Variants in KSR2 observed in about 807,000 individuals in gnomAD.
The protein encoded by KSR2 is kinase suppressor of ras 2.
In KSR2, 25 loss-of-function variants were observed where a neutral mutation model predicts 107.8. That is an observed-to-expected ratio of 0.23 (90% CI 0.17 to 0.32). The LOEUF is 0.32. KSR2 is among the 10% of genes least tolerant of loss of function. The pLI, the probability that KSR2 is intolerant of heterozygous loss-of-function variation, is 1.00. For missense variants in KSR2, 887 were observed against 1,268.9 expected, an observed-to-expected ratio of 0.70 and a Z score of 4.57; for synonymous variants, 480 against 507.0, an observed-to-expected ratio of 0.95 and a Z score of 0.71.
chr12:117,713,342 A>C (rs1287727964), intron 4 of KSR2, among the ~76,000 whole-genome samples: 2 of 151,232 alleles, frequency 1.3e-5, no homozygotes, highest in Non-Finnish European at 2.9e-5. Flanking sequence ...GATATAGCTA[A>C]GTAGACAGTA....
chr12:117,697,488 A>G (rs61937696), intron 4 of KSR2, among the ~76,000 whole-genome samples: 17,185 of 152,244 alleles, frequency 0.11, 1,207 homozygotes, highest in East Asian at 0.23. Flanking sequence ...CATGCCTGTA[A>G]CCCTAGCACT....
chr12:117,552,731 T>C (rs1877392790), intron 9 of KSR2, among the ~76,000 whole-genome samples: 1 of 152,212 alleles, frequency 6.6e-6, no homozygotes, highest in African/African-American at 2.4e-5. Context: ...CCATGCAGTC[T>C]CTGTCATGAC....
intron 1 of KSR2, among the ~76,000 whole-genome samples, chr12:117,871,503 G>A (rs961713162): frequency 6.6e-6 from 1 of 151,832 alleles, no homozygotes; most frequent in Admixed American, 6.6e-5. Flanking sequence ...CACGAGAATT[G>A]TTTGAACTCA....
At chr12:117,718,145 A>G (rs1330503143) in intron 4 of KSR2, among the ~76,000 whole-genome samples, 1 of 152,226 alleles carries the variant, frequency 6.6e-6, no homozygotes, top group Non-Finnish European at 1.5e-5. Context: ...TTCGAAAATT[A>G]CTTTTATGAC....
chr12:117,739,859 A>G (rs1888103803), intron 4 of KSR2, among the ~76,000 whole-genome samples: 1 of 151,650 alleles, frequency 6.6e-6, no homozygotes, highest in Non-Finnish European at 1.5e-5. Context: ...GCTCAGGCAC[A>G]TGGTTGGACT....
intron 1 of KSR2, among the ~76,000 whole-genome samples, chr12:117,956,546 C>T (rs886438071): frequency 6.6e-5 from 10 of 152,086 alleles, no homozygotes; most frequent in South Asian, 2.1e-4. Context: ...CCAGCCTGGG[C>T]GACAGAGCAA....
intron 4 of KSR2, among the ~76,000 whole-genome samples, chr12:117,750,045 C>T (rs1230660429): frequency 1.3e-5 from 2 of 151,902 alleles, no homozygotes; most frequent in Non-Finnish European, 2.9e-5. Context: ...GTCAGGAGTT[C>T]GAGACCAGCC....
rs562494016 is a variant in KSR2, at chr12:117,899,896, A to C, written c.181-39465T>G. Among the ~76,000 whole-genome samples, 12 of 152,376 alleles carry C rather than the reference A, an allele frequency of 7.9e-5. No individual in the cohort carries two copies. In the East Asian group the frequency reaches 2.3e-3, roughly 29 times the overall value. ...AGCAACTTGAGAAGACTTCTAGGAC[A>C]TGAAGTGTATCTCCACCGAACAGTG... On this transcript the variant is annotated intron_variant, in intron 1 of 19. Coordinates refer to ENST00000339824, the MANE Select transcript of KSR2 (RefSeq NM_173598.6).
rs141578617 is a variant in KSR2 at position 117,902,906 on chromosome 12, T to C, written c.181-42475A>G. 2.8e-3 allele frequency among the ~76,000 whole-genome samples: 426 copies of C among 152,336 alleles called. 1 individual carries two copies. The highest frequency in any genetic ancestry group is 9.8e-3 in the African/African-American group (409 of 41,576). ...ACCTGGATGTGAATCCTGACTTTAC[T>C]GTCTATGAACTGTGTGACCTTGGGC... On this transcript the variant is annotated intron_variant, in intron 1 of 19. Coordinates refer to ENST00000339824, the MANE Select transcript of KSR2 (RefSeq NM_173598.6).
At chr12:117,558,748 G>A (rs1877889528) in intron 7 of KSR2, among the ~76,000 whole-genome samples, 175 bp from the exon 8 acceptor site, 3 of 139,236 alleles carry the variant, frequency 2.2e-5, no homozygotes, top group Middle Eastern at 4.0e-3. Context: ...ATGGATTCAC[G>A]GATGGATGGG....
chr12:117,749,747 T>A (rs934186784), intron 4 of KSR2, among the ~76,000 whole-genome samples: 1 of 152,196 alleles, frequency 6.6e-6, no homozygotes, highest in Non-Finnish European at 1.5e-5. Context: ...AAGCTAAACA[T>A]ATTTTAAATG....
At chr12:117,900,329 C>T (rs1259182956) in intron 1 of KSR2, among the ~76,000 whole-genome samples, 1 of 152,122 alleles carries the variant, frequency 6.6e-6, no homozygotes, top group East Asian at 1.9e-4. Context: ...AATCATAATA[C>T]TAGCAAGACA....
intron 4 of KSR2, among the ~76,000 whole-genome samples, chr12:117,739,847 T>C (rs1331642928): frequency 2.0e-5 from 3 of 151,572 alleles, no homozygotes; most frequent in Non-Finnish European, 4.4e-5. Flanking sequence ...TAGTAGGAGG[T>C]AGCTCAGGCA....
chr12:117,731,404 C>G (rs184987714), intron 4 of KSR2, among the ~76,000 whole-genome samples: 2,276 of 140,462 alleles, frequency 0.016, 6 homozygotes, highest in African/African-American at 0.033. Context: ...GCCGCCCCGT[C>G]CGGGAGGGAG....
At chr12:117,749,537 G>A (rs1168728248) in intron 4 of KSR2, among the ~76,000 whole-genome samples, 3 of 152,088 alleles carry the variant, frequency 2.0e-5, no homozygotes, top group East Asian at 3.9e-4. Context: ...ATAAGGGACT[G>A]CAAACTAAAT....
intron 5 of KSR2, among the ~76,000 whole-genome samples, chr12:117,652,680 C>T (rs1481718524): frequency 6.6e-6 from 1 of 152,192 alleles, no homozygotes; most frequent in Non-Finnish European, 1.5e-5. Context: ...GGTAACTGTG[C>T]ACTGGGGAAA....
At chr12:117,608,769 G>GA (rs1488344058) in intron 5 of KSR2, among the ~76,000 whole-genome samples, 2 of 151,968 alleles carry the variant, frequency 1.3e-5, no homozygotes, top group East Asian at 3.9e-4. Context: ...AGGGACCAAT[G>GA]AAAGCCAAAG....
At chr12:117,845,643 T>G (rs1892672949) in intron 3 of KSR2, among the ~76,000 whole-genome samples, 1 of 152,060 alleles carries the variant, frequency 6.6e-6, no homozygotes, top group Non-Finnish European at 1.5e-5. Context: ...CCATTGAAAT[T>G]GAAATGCCTT....
intron 13 of KSR2, among the ~76,000 whole-genome samples, 171 bp from the exon 14 acceptor site, chr12:117,525,390 G>C (rs969611220): frequency 6.6e-6 from 1 of 152,148 alleles, no homozygotes; most frequent in Non-Finnish European, 1.5e-5. Flanking sequence ...ATCTGGTCTA[G>C]AATCATACTA....
Sources: allele counts gnomAD v4.1 joint callset (sites outside exome capture counted in the v4.1 genomes callset), GRCh38; gene constraint gnomAD v4.1.1; transcripts MANE v1.5; gene names NCBI Gene and HGNC (gene_info 2026-07-23, HGNC 2026-07-21).